Variants in RASSF3 observed in about 807,000 individuals in gnomAD.
The protein encoded by RASSF3 is Ras association domain family member 3.
A neutral mutation model predicts 19.9 loss-of-function variants in RASSF3; 19 were observed. The ratio of observed to expected loss-of-function variants is 0.96; its 90% confidence interval spans 0.67 to 1.40. The LOEUF is 1.40. Among genes scored for constraint, RASSF3 ranks in the 40% most tolerant of loss-of-function variants. The pLI, the probability that RASSF3 is intolerant of heterozygous loss-of-function variation, is 0.00. For synonymous variants in RASSF3, 110 were observed against 104.2 expected (o/e 1.06, Z -0.34); for missense variants, 306 against 289.8 (o/e 1.06, Z -0.41).
At chr12:64,684,721 G>A (rs972529211) in intron 1 of RASSF3, 66 bp from the exon 2 acceptor site, 6 of 1,080,772 alleles carry the variant, frequency 5.6e-6, no homozygotes, top group African/African-American at 1.6e-5. Context: ...GTGAGCCACT[G>A]CGCCCGGCCT....
chr12:64,692,384 C>T (rs572955264), intron 4 of RASSF3, among the ~76,000 whole-genome samples: 1 of 152,278 alleles, frequency 6.6e-6, no homozygotes, highest in South Asian at 2.1e-4. Context: ...TCTTTTAGCC[C>T]TCAGTTTTAA....
rs1868336157 is a variant in RASSF3, at chr12:64,695,108, T to C, written c.*196T>C. 19 of 566,702 alleles carry C rather than the reference T, an allele frequency of 3.4e-5. No homozygotes were observed. The highest frequency in any genetic ancestry group is 4.9e-5 in the Non-Finnish European group (16 of 325,044). 35.1% of individuals were successfully genotyped at this position (566,702 alleles called of 1,614,324 possible). A position where few individuals can be genotyped will look rare whatever the true frequency, so the allele number is the denominator to read the frequency against. ...TCCCATGTAAGGGACTCTGCAAGCT[T>C]GTTGTTCAGCACCGCAGTGTTACCT... On this transcript the variant is annotated 3_prime_UTR_variant, in exon 5 of 5. Coordinates refer to ENST00000542104, the MANE Select transcript of RASSF3 (RefSeq NM_178169.4).
chr12:64,513,295 C>T (rs1489474600), intron 1 of RASSF3, among the ~76,000 whole-genome samples: 1 of 151,686 alleles, frequency 6.6e-6, no homozygotes, highest in East Asian at 1.9e-4. Context: ...AATACAAACA[C>T]AAAAAGTAGC....
At chr12:64,589,288 A>G (rs1299284311) in intron 2 of RASSF3, among the ~76,000 whole-genome samples, 1 of 151,992 alleles carries the variant, frequency 6.6e-6, no homozygotes, top group Non-Finnish European at 1.5e-5. Flanking sequence ...CATCTCTACT[A>G]AAAATATAAA....
chr12:64,512,023 C>T (rs200589761), intron 1 of RASSF3, among the ~76,000 whole-genome samples: 3 of 152,304 alleles, frequency 2.0e-5, no homozygotes, highest in East Asian at 3.9e-4. Context: ...CAGAAACCCA[C>T]CTCTCACCAC....
intron 1 of RASSF3, among the ~76,000 whole-genome samples, chr12:64,660,145 T>C (rs904204266): frequency 6.6e-6 from 1 of 151,780 alleles, no homozygotes; most frequent in Non-Finnish European, 1.5e-5. Context: ...CTCAAACTCA[T>C]GGGCTCAAGT....
At chr12:64,552,990 C>G (rs936579317) in intron 2 of RASSF3, among the ~76,000 whole-genome samples, 1 of 152,096 alleles carries the variant, frequency 6.6e-6, no homozygotes, top group African/African-American at 2.4e-5. Flanking sequence ...GCGGGTGGAT[C>G]ACGAGGTCAG....
At chr12:64,624,278 T>G (rs1215982912) in intron 1 of RASSF3, among the ~76,000 whole-genome samples, 1 of 151,930 alleles carries the variant, frequency 6.6e-6, no homozygotes, top group Non-Finnish European at 1.5e-5. Context: ...GGTGAGGGCT[T>G]AAAACTCAGT....
At chr12:64,509,170 C>T (rs1034617311) in intron 1 of RASSF3, among the ~76,000 whole-genome samples, 1 of 152,068 alleles carries the variant, frequency 6.6e-6, no homozygotes, top group Middle Eastern at 3.2e-3. Context: ...AGCAAAAAGG[C>T]CAGGGGCGGT....
At chr12:64,688,506 G>A in intron 3 of RASSF3, 53 bp downstream of exon 3, 2 of 1,258,908 alleles carry the variant, frequency 1.6e-6, no homozygotes, top group Non-Finnish European at 2.3e-6. Context: ...TGCATCTGCT[G>A]TTCTCATTAG....
At chr12:64,630,779 AG>A (rs1871145761) in intron 1 of RASSF3, among the ~76,000 whole-genome samples, 2 of 152,152 alleles carry the variant, frequency 1.3e-5, no homozygotes, top group African/African-American at 2.4e-5. Context: ...AGAGGAGTCA[AG>A]GAAGAGTTGT....
chr12:64,601,075 C>T (rs145205159), intron 2 of RASSF3, among the ~76,000 whole-genome samples: 252 of 152,196 alleles, frequency 1.7e-3, no homozygotes, highest in African/African-American at 5.8e-3. Flanking sequence ...ACTGCTGGAG[C>T]TCAGTAGCTT....
chr12:64,533,335 G>A lies in RASSF3; in HGVS notation c.67+1G>A, dbSNP rs1365725484. 1 of 152,284 alleles carries A rather than the reference G, an allele frequency of 6.6e-6. No individual in the cohort carries two copies. The highest frequency in any genetic ancestry group is 6.5e-5 in the Admixed American group (1 of 15,282). 9.4% of individuals were successfully genotyped at this position (152,284 alleles called of 1,614,324 possible). On this transcript the variant is annotated splice_donor_variant, in intron 1 of 1. Coordinates refer to the RASSF3 transcript ENST00000636333. LOFTEE classifies it high-confidence loss of function. ...CAGGTGAAGAAAACTCACATACCTG[G>A]TAGGTTACCCTTGCTTCGGATGGTC...
intron 1 of RASSF3, among the ~76,000 whole-genome samples, chr12:64,682,378 T>C (rs911603790): frequency 5.9e-5 from 9 of 152,084 alleles, no homozygotes; most frequent in African/African-American, 2.2e-4. Context: ...GAGACCATCC[T>C]GGCTAATACG....
At chr12:64,589,266 A>G (rs1488722284) in intron 2 of RASSF3, among the ~76,000 whole-genome samples, 3 of 152,164 alleles carry the variant, frequency 2.0e-5, no homozygotes, top group East Asian at 1.9e-4. Flanking sequence ...CCTGGCCAAC[A>G]TGGTGAAACC....
intron 1 of RASSF3, among the ~76,000 whole-genome samples, chr12:64,613,167 C>T (rs150063052): frequency 6.6e-6 from 1 of 152,278 alleles, no homozygotes; most frequent in East Asian, 1.9e-4. Flanking sequence ...AAGCAAAACA[C>T]TCTTAATGTA....
intron 1 of RASSF3, among the ~76,000 whole-genome samples, chr12:64,613,934 C>T (rs1384662165): frequency 1.3e-5 from 2 of 151,998 alleles, no homozygotes; most frequent in East Asian, 3.9e-4. Context: ...GGCAACAGAG[C>T]GAGACCCTGT....
intron 1 of RASSF3, among the ~76,000 whole-genome samples, chr12:64,664,412 A>G (rs1437406049): frequency 2.0e-5 from 3 of 152,196 alleles, no homozygotes; most frequent in Non-Finnish European, 4.4e-5. Context: ...CATATCAGGG[A>G]TGCAAGCTTA....
chr12:64,536,974 T>C (rs77042581), intron 1 of RASSF3, among the ~76,000 whole-genome samples: 4,401 of 152,306 alleles, frequency 0.029, 218 homozygotes, highest in African/African-American at 0.1. Flanking sequence ...CGAGGTCTCT[T>C]TGCCCCTAGA....
Sources: allele counts gnomAD v4.1 joint callset (sites outside exome capture counted in the v4.1 genomes callset), GRCh38; gene constraint gnomAD v4.1.1; transcripts MANE v1.5; gene names NCBI Gene and HGNC (gene_info 2026-07-23, HGNC 2026-07-21).